FTCD: variants seen among roughly 807,000 people sequenced by gnomAD.
FTCD encodes the protein formimidoyltransferase cyclodeaminase, also known as formimidoyltransferase-cyclodeaminase.
A neutral mutation model predicts 62.9 loss-of-function variants in FTCD; 76 were observed. The ratio of observed to expected loss-of-function variants is 1.21; its 90% CI spans 1.00 to 1.46. FTCD has a LOEUF of 1.46. FTCD is among the 40% of genes most tolerant of loss of function. FTCD has a pLI of 0.00. For synonymous variants in FTCD, 397 were observed against 336.9 expected, an observed-to-expected ratio of 1.18 and a Z score of -1.95; for missense variants, 845 against 751.3, an observed-to-expected ratio of 1.12 and a Z score of -1.46.
chr21:46,140,132 C>T (rs940906863), intron 10 of FTCD, among the ~76,000 whole-genome samples: 1 of 152,224 alleles, frequency 6.6e-6, no homozygotes, highest in Non-Finnish European at 1.5e-5. Context: ...TTGCATTGCT[C>T]AGAGGGAGCA....
chr21:46,146,014 C>T, intron 8 of FTCD, 67 bp from the exon 9 acceptor site: 1 of 1,008,320 alleles, frequency 9.9e-7, no homozygotes, highest in Non-Finnish European at 1.4e-6. Flanking sequence ...CCTCCCGGGG[C>T]GGCCCCAGGC....
rs2079152859 is a variant in FTCD, at chr21:46,146,566, GT to G, written c.907-240del. The G allele has an allele frequency of 4.8e-5, 28 of 586,072 alleles. No homozygotes were observed. In the South Asian group the frequency reaches 5.3e-4, roughly 11 times the overall value. The allele number at this position is 586,072 out of a possible 1,614,324, so 36.3% of individuals were successfully genotyped here. On this transcript the variant is annotated intron_variant, in intron 7 of 13. Transcript: ENST00000397746. ...CTTCTGGAAACAGCCATCACCCTGA[GT>G]TGCCCTTGGGGAACCTGAGGCCCAG...
chr21:46,144,196 C>T lies in FTCD; in HGVS notation c.1260+1221G>A, dbSNP rs183489118. ...TTGCTTTGTATCCAATAAATAACAGCGCAGCCAGGCATTCAGGGCCACTAC... is the reference window on the plus strand; with the variant it reads ...TTGCTTTGTATCCAATAAATAACAGTGCAGCCAGGCATTCAGGGCCACTAC... On this transcript the variant is annotated intron_variant, in intron 10 of 13. Coordinates refer to ENST00000397746, the MANE Select transcript of FTCD (RefSeq NM_206965.2). 4.4e-3 allele frequency among the ~76,000 whole-genome samples: 674 copies of T among 151,712 alleles called. 2 individuals are homozygous for T. Among genetic ancestry groups the T allele is most frequent in the Middle Eastern group, 0.01 (3 of 294 alleles).
intron 7 of FTCD, among the ~76,000 whole-genome samples, chr21:46,149,680 T>A (rs1388425765): frequency 6.6e-6 from 1 of 152,126 alleles, no homozygotes; most frequent in Non-Finnish European, 1.5e-5. Context: ...CCAGAAGCCT[T>A]GAGGCCCAGG....
rs768120205 is a variant in FTCD at position 46,155,457 on chromosome 21, C to T, written c.54+13G>A. 1 of 1,609,450 alleles carries T rather than the reference C, an allele frequency of 6.2e-7. No homozygotes were observed. Among genetic ancestry groups the T allele is most frequent in the South Asian group, 1.1e-5 (1 of 90,998 alleles). On this transcript the variant is annotated intron_variant, in intron 1 of 13. Transcript: ENST00000397746. ...ATCAGCCCTAGATGCTTGACCAGCT[C>T]CTCGGGCCTCACCTCCTGGTTCTTC... is the stretch of plus-strand genomic sequence containing the variant.
intron 1 of FTCD, 61 bp downstream of exon 1, chr21:46,155,409 G>T: frequency 7.2e-7 from 1 of 1,387,384 alleles, no homozygotes; most frequent in Non-Finnish European, 1.0e-6. Flanking sequence ...CATGGCCTGG[G>T]CCTTAGCCAC....
downstream of FTCD, chr21:46,136,380 A>G: frequency 2.6e-6 from 4 of 1,526,490 alleles, no homozygotes; most frequent in Non-Finnish European, 3.6e-6. Context: ...GGTGGACGGG[A>G]ACTGAGGACA....
intron 3 of FTCD, chr21:46,152,516 ATT>A (rs1268186236): frequency 5.1e-6 from 1 of 196,734 alleles, no homozygotes; most frequent in Non-Finnish European, 1.0e-5. Flanking sequence ...CTGCCTCGGG[ATT>A]TCTTTCCAGG....
intron 10 of FTCD, chr21:46,142,220 C>A (rs2079026254): frequency 6.6e-6 from 1 of 152,402 alleles, no homozygotes; most frequent in Non-Finnish European, 1.5e-5. Context: ...TTTCTTCCTT[C>A]TGGCGGGTTC....
At chr21:46,140,148 C>T (rs187187445) in intron 10 of FTCD, among the ~76,000 whole-genome samples, 1 of 152,218 alleles carries the variant, frequency 6.6e-6, no homozygotes, top group African/African-American at 2.4e-5. Flanking sequence ...GAGCATAAAC[C>T]AATCCAGCAC....
intron 10 of FTCD, among the ~76,000 whole-genome samples, chr21:46,140,313 C>T (rs555446431): frequency 6.7e-5 from 10 of 148,260 alleles, no homozygotes; most frequent in Non-Finnish European, 1.3e-4. Context: ...CAGCCCTCCC[C>T]GTCCACCTTC....
intron 10 of FTCD, among the ~76,000 whole-genome samples, chr21:46,143,276 A>G (rs2079059737): frequency 6.6e-6 from 1 of 151,324 alleles, no homozygotes; most frequent in Non-Finnish European, 1.5e-5. Context: ...GCTGGGGCAC[A>G]TGTTTCTCTC....
downstream of FTCD, chr21:46,136,678 C>T (rs2078873225): frequency 1.4e-6 from 2 of 1,466,018 alleles, no homozygotes; most frequent in South Asian, 1.4e-5. Flanking sequence ...TCCCTCCAAC[C>T]CTGGCTCCCA....
chr21:46,138,168 G>A (rs772779446), intron 12 of FTCD, among the ~76,000 whole-genome samples: 6 of 152,224 alleles, frequency 3.9e-5, no homozygotes, highest in Non-Finnish European at 5.9e-5. Flanking sequence ...TGGGACCACA[G>A]GCGAGAACCA....
chr21:46,137,239 C>T lies in FTCD; in HGVS notation c.1539G>A (p.Gln513=), dbSNP rs755045139. 1.2e-6 allele frequency: 2 copies of T among 1,610,566 alleles called. No individual in the cohort carries two copies. Among genetic ancestry groups the T allele is most frequent in the African/African-American group, 2.7e-5 (2 of 74,848 alleles). The change falls in exon 13 of 14, where the codon CAG becomes CAA. Residue 513 remains glutamine (Q), a splice_region_variant and synonymous_variant. Transcript: ENST00000397746. The stretch of plus-strand genomic sequence containing the variant: ...GGCACCACACCTGCCTCCTGCTCAC[C>T]TGGTCCTTAAATGCCTCGTCTGTGA... The part of the protein sequence containing the change: ...RDITDEAFKD[Q]IHHRVSSLLQ...
chr21:46,137,179 T>C (rs1601287552), intron 13 of FTCD, 60 bp downstream of exon 13: 5 of 1,582,180 alleles, frequency 3.2e-6, no homozygotes, highest in Non-Finnish European at 3.5e-6. Context: ...GCAATCACCC[T>C]GAGGCTGTGA....
rs754908279 is a variant in FTCD, at chr21:46,136,979, C to G, written c.*8G>C. On this transcript the variant is annotated 3_prime_UTR_variant, in exon 14 of 14. Coordinates refer to ENST00000397746, the MANE Select transcript of FTCD (RefSeq NM_206965.2). ...GGGCCACAGAGCCCGGAGAGGCCTC[C>G]CGCACCGTCACTCCTGCCGGGTCTC... 6.2e-7 allele frequency: 1 copy of G among 1,613,032 alleles called. No individual in the cohort carries two copies. Among genetic ancestry groups the G allele is most frequent in the Admixed American group, 1.7e-5 (1 of 60,000 alleles).
At chr21:46,150,610 C>T in intron 5 of FTCD, 85 bp from the exon 6 acceptor site, 3 of 1,392,604 alleles carry the variant, frequency 2.2e-6, no homozygotes, top group Non-Finnish European at 2.0e-6. Flanking sequence ...TTGCATTCCC[C>T]AGCTGGACGG....
At chr21:46,136,411 G>C (rs1365050323), downstream of FTCD, 8 of 1,610,222 alleles carry the variant, frequency 5.0e-6, no homozygotes, top group Non-Finnish European at 6.8e-6. Context: ...CGTGCTCTGT[G>C]GAACTGTCCA....
Sources: gnomAD v4.1 joint callset for allele counts (sites outside exome capture counted in the v4.1 genomes callset) on GRCh38, gnomAD v4.1.1 for gene constraint, MANE v1.5 for transcripts, NCBI Gene and HGNC (gene_info 2026-07-23, HGNC 2026-07-21) for gene names.